ROBO2: variants seen among roughly 807,000 people sequenced by gnomAD.
ROBO2 encodes roundabout homolog 2.
In ROBO2, 53 loss-of-function variants were observed where a neutral mutation model predicts 160.8. The ratio of observed to expected loss-of-function variants is 0.33; its 90% CI spans 0.26 to 0.41. The LOEUF (loss-of-function observed/expected upper bound fraction) is 0.41, where lower values mean the gene tolerates loss of function less well. Ranked by LOEUF, ROBO2 falls within the 10% of genes least tolerant of loss-of-function variation. The probability of loss-of-function intolerance (pLI) is 1.00; values close to 1 mark genes in which losing one functional copy is unlikely to be tolerated. For synonymous variants in ROBO2, 664 were observed against 611.7 expected, an observed-to-expected ratio of 1.09 and a Z score of -1.26; for missense variants, 1,577 against 1,722.4, an observed-to-expected ratio of 0.92 and a Z score of 1.49.
intron 2 of ROBO2, among the ~76,000 whole-genome samples, chr3:77,288,571 T>C (rs1179000910): frequency 6.6e-6 from 1 of 152,198 alleles, no homozygotes; most frequent in Non-Finnish European, 1.5e-5. Context: ...TGTTTGACCA[T>C]GTGACAGCCC....
At chr3:76,851,712 G>A (rs1299463547) in intron 2 of ROBO2, among the ~76,000 whole-genome samples, 1 of 125,736 alleles carries the variant, frequency 8.0e-6, no homozygotes, top group Non-Finnish European at 1.5e-5. Context: ...TCCGCAGTCC[G>A]AGGTGGGCGA....
chr3:76,341,271 G>C (rs565841004), intron 2 of ROBO2, among the ~76,000 whole-genome samples: 9 of 150,342 alleles, frequency 6.0e-5, no homozygotes, highest in African/African-American at 2.3e-4. Flanking sequence ...CTTTCCTGCA[G>C]CGATACAGGT....
chr3:77,369,157 T>A (rs1228432129), intron 2 of ROBO2, among the ~76,000 whole-genome samples: 2 of 152,036 alleles, frequency 1.3e-5, no homozygotes, highest in Admixed American at 6.6e-5. Context: ...GGGACTAGAG[T>A]GAAGCAGGTG....
chr3:76,476,224 G>A (rs376224916), intron 2 of ROBO2, among the ~76,000 whole-genome samples: 6 of 152,198 alleles, frequency 3.9e-5, no homozygotes, highest in South Asian at 2.1e-4. Flanking sequence ...ATTAGTCTTC[G>A]TCTTTAACAG....
chr3:77,624,108 T>C (rs1445065165), intron 23 of ROBO2, among the ~76,000 whole-genome samples: 1 of 152,190 alleles, frequency 6.6e-6, no homozygotes, highest in Non-Finnish European at 1.5e-5. Flanking sequence ...ATTACTGCCA[T>C]ATATAAAAAC....
chr3:77,179,256 A>G (rs1451714826), intron 2 of ROBO2, among the ~76,000 whole-genome samples: 2 of 151,876 alleles, frequency 1.3e-5, no homozygotes, highest in South Asian at 2.1e-4. Flanking sequence ...ACTTGCTAAT[A>G]ACTCTTCACT....
chr3:76,207,871 A>C (rs1405782983), intron 2 of ROBO2, among the ~76,000 whole-genome samples: 1 of 152,196 alleles, frequency 6.6e-6, no homozygotes, highest in Non-Finnish European at 1.5e-5. Context: ...CCCAAATCTC[A>C]GGTCAAATTA....
intron 2 of ROBO2, among the ~76,000 whole-genome samples, chr3:76,444,748 A>G (rs2077087160): frequency 6.6e-6 from 1 of 152,178 alleles, no homozygotes; most frequent in Admixed American, 6.6e-5. Flanking sequence ...TGGGGACACA[A>G]AGCCTAACCA....
At chr3:76,202,361 A>G (rs1347754917) in intron 2 of ROBO2, among the ~76,000 whole-genome samples, 1 of 152,212 alleles carries the variant, frequency 6.6e-6, no homozygotes, top group Non-Finnish European at 1.5e-5. Flanking sequence ...TGAAATGAAT[A>G]TAAAACTGTA....
At chr3:76,095,526 TAACTC>T (rs1217278559) in intron 2 of ROBO2, among the ~76,000 whole-genome samples, 3 of 152,138 alleles carry the variant, frequency 2.0e-5, no homozygotes, top group South Asian at 4.1e-4. Flanking sequence ...GATATAATGA[TAACTC>T]AAATAATGAA....
chr3:76,821,153 A>C (rs995802402), intron 2 of ROBO2, among the ~76,000 whole-genome samples: 3 of 152,010 alleles, frequency 2.0e-5, no homozygotes, highest in African/African-American at 7.2e-5. Context: ...ACACTACCAT[A>C]TAATTAAACG....
At chr3:76,109,099 T>A (rs1016668159) in intron 2 of ROBO2, among the ~76,000 whole-genome samples, 2 of 151,998 alleles carry the variant, frequency 1.3e-5, no homozygotes, top group African/African-American at 4.8e-5. Flanking sequence ...CCTACAATAT[T>A]GAAATTATTG....
In ROBO2 at chr3:77,607,964, T is replaced by G. The variant is rs201727631; in HGVS notation, c.3293+10T>G. On this transcript the variant is annotated intron_variant, in intron 21 of 25. Transcript: ENST00000461745. The stretch of plus-strand genomic sequence containing the variant: ...AACAACAAGAAAATGGGTAAAGATA[T>G]TTTATATACTAGCAAAATGGCCAGG... 3 of 1,613,626 alleles carry G rather than the reference T, an allele frequency of 1.9e-6. No individual in the cohort carries two copies. The African/African-American group carries it at 4.0e-5, about 22-fold the overall frequency.
intron 2 of ROBO2, among the ~76,000 whole-genome samples, chr3:77,137,799 A>G (rs560802736): frequency 2.0e-4 from 30 of 152,292 alleles, no homozygotes; most frequent in African/African-American, 7.2e-4. Flanking sequence ...ATTTTCTTCA[A>G]TTTTATCTGC....
chr3:76,721,657 A>G (rs1455972970), intron 2 of ROBO2, among the ~76,000 whole-genome samples: 1 of 152,218 alleles, frequency 6.6e-6, no homozygotes, highest in Non-Finnish European at 1.5e-5. Flanking sequence ...CTTCAAATGC[A>G]AAACTTTTGT....
chr3:76,023,214 T>C (rs60266919), intron 2 of ROBO2, among the ~76,000 whole-genome samples: 9,764 of 151,806 alleles, frequency 0.064, 993 homozygotes, highest in African/African-American at 0.21. Flanking sequence ...GCGACAAGTG[T>C]GTTTTACATT....
chr3:76,265,919 A>G (rs1315318352), intron 2 of ROBO2, among the ~76,000 whole-genome samples: 1 of 152,162 alleles, frequency 6.6e-6, no homozygotes, highest in Non-Finnish European at 1.5e-5. Flanking sequence ...AGGTGAGTTT[A>G]TGAAATGATC....
At chr3:76,950,695 T>C (rs570457576) in intron 2 of ROBO2, among the ~76,000 whole-genome samples, 12 of 152,180 alleles carry the variant, frequency 7.9e-5, no homozygotes, top group Admixed American at 1.3e-4. Context: ...TAACAGACTC[T>C]AGAGTGTGCT....
chr3:76,601,027 A>G (rs1000538001), intron 2 of ROBO2, among the ~76,000 whole-genome samples: 1 of 152,194 alleles, frequency 6.6e-6, no homozygotes, highest in Non-Finnish European at 1.5e-5. Context: ...TACAGGCCCC[A>G]CACAAGTTCA....
Sources: allele counts gnomAD v4.1 joint callset (sites outside exome capture counted in the v4.1 genomes callset), GRCh38; gene constraint gnomAD v4.1.1; transcripts MANE v1.5; gene names NCBI Gene and HGNC (gene_info 2026-07-23, HGNC 2026-07-21).